Variants in DGUOK observed in about 807,000 individuals in gnomAD.
The protein encoded by DGUOK is deoxyguanosine kinase, mitochondrial.
DGUOK carries 30 observed loss-of-function variants against 36.6 expected under a neutral mutation model. The ratio of observed to expected loss-of-function variants is 0.82; its 90% CI spans 0.61 to 1.11. The LOEUF (loss-of-function observed/expected upper bound fraction) is 1.11, where lower values mean the gene tolerates loss of function less well. Among genes scored for constraint, DGUOK ranks in the 50% most tolerant of loss-of-function variants. The pLI is 0.00. For synonymous variants in DGUOK, 145 were observed against 126.3 expected (o/e 1.15, Z -0.99); for missense variants, 361 against 336.4 (o/e 1.07, Z -0.57).
In DGUOK at chr2:73,938,980, T is replaced by G; in HGVS notation, c.213T>G (p.Pro71=). 2 of 1,614,088 alleles carry G rather than the reference T, an allele frequency of 1.2e-6. No homozygotes were observed. The highest frequency in any genetic ancestry group is 2.2e-5 in the South Asian group (2 of 91,084). The change falls in exon 2 of 7, where the codon CCT becomes CCG. Residue 71 remains proline (P), a synonymous_variant. Transcript: ENST00000264093. ...TYPEWHVATE[P]VATWQNIQAA... Reference sequence around the variant, plus strand: ...CAGAATGGCACGTAGCTACAGAACCTGTAGCAACATGGCAGAATATCCAGG... The same window carrying G: ...CAGAATGGCACGTAGCTACAGAACCGGTAGCAACATGGCAGAATATCCAGG...
Position 73,946,890 on chromosome 2 carries a change from T to TCA in DGUOK, c.428_429insAC (p.Val144LeufsTer58). On this transcript the variant is annotated frameshift_variant, in exon 3 of 7. Transcript: ENST00000264093. LOFTEE classifies it high-confidence loss of function. ...GAAGCCAGTACAGATCTTTGAGAGG[T>TCA]CTGTGTACAGTGACAGGTAAAATGC... The TCA allele has an allele frequency of 6.2e-7, 1 of 1,612,526 alleles. No individual in the cohort carries two copies. Among genetic ancestry groups the TCA allele is most frequent in the East Asian group, 2.2e-5 (1 of 44,876 alleles).
chr2:73,958,396 A>T (rs370883181), intron 6 of DGUOK, 151 bp downstream of exon 6: 3 of 714,562 alleles, frequency 4.2e-6, no homozygotes, highest in African/African-American at 1.8e-5. Flanking sequence ...TCTTGTGCAG[A>T]TTACAAATAT....
chr2:73,937,257 A>T (rs952152955), intron 1 of DGUOK, among the ~76,000 whole-genome samples: 1 of 152,236 alleles, frequency 6.6e-6, no homozygotes, highest in Non-Finnish European at 1.5e-5. Flanking sequence ...ACAAGGCCCT[A>T]TGTGATCTGG....
chr2:73,950,737 C>T lies in DGUOK; in HGVS notation c.591+5C>T, dbSNP rs772435614. 2 of 1,614,210 alleles carry T rather than the reference C, an allele frequency of 1.2e-6. No homozygotes were observed. The highest frequency in any genetic ancestry group is 2.2e-5 in the South Asian group (2 of 91,084). ...TACCTCCAGGCTTCTCCCCAGGTAACACTGAACCTACAACCTTAGACTTTA... is the reference window on the plus strand; with the variant it reads ...TACCTCCAGGCTTCTCCCCAGGTAATACTGAACCTACAACCTTAGACTTTA... On this transcript the variant is annotated splice_donor_5th_base_variant and intron_variant, in intron 4 of 6. Transcript: ENST00000264093.
intron 2 of DGUOK, among the ~76,000 whole-genome samples, chr2:73,943,399 C>T (rs1682048941): frequency 6.6e-6 from 1 of 151,002 alleles, no homozygotes; most frequent in Admixed American, 6.6e-5. Context: ...TGGGCTCAAG[C>T]GACCCTTCCA....
rs772174181 is a variant in DGUOK, at chr2:73,957,194, C to T, written c.661C>T (p.Gln221Ter). ...EKGIELAYLEQLHGQHEAWLI... is the reference protein window; with the variant it reads ...EKGIELAYLE ...AGGAATTGAGCTGGCCTATCTAGAG[C>T]AGCTGCATGGCCAACACGAAGCCTG... Residue 221 changes from glutamine to a stop codon, truncating the protein, a stop_gained, in exon 5 of 7, where the codon CAG becomes TAG. Coordinates refer to ENST00000264093, the MANE Select transcript of DGUOK (RefSeq NM_080916.3). LOFTEE classifies it high-confidence loss of function. 3 of 1,614,142 alleles carry T rather than the reference C, an allele frequency of 1.9e-6. No homozygotes were observed. Among genetic ancestry groups the T allele is most frequent in the Non-Finnish European group, 2.5e-6 (3 of 1,180,010 alleles).
At chr2:73,928,337 A>G (rs1172727089) in intron 1 of DGUOK, among the ~76,000 whole-genome samples, 1 of 152,202 alleles carries the variant, frequency 6.6e-6, no homozygotes, top group East Asian at 1.9e-4. Flanking sequence ...CATGTTGGCC[A>G]GGCTGGTCTC....
Position 73,958,196 on chromosome 2 carries a change from A to G in DGUOK, c.758A>G (p.Asn253Ser), listed in dbSNP as rs200169027. Reference protein sequence around the residue: ...MNIPVLVLDVNDDFSEEVTKQ... With the variant: ...MNIPVLVLDVSDDFSEEVTKQ... Reference sequence around the variant, plus strand: ...ATTCCAGTGCTGGTGTTGGATGTCAATGATGATTTTTCTGAGGAAGTAACC... The same window carrying G: ...ATTCCAGTGCTGGTGTTGGATGTCAGTGATGATTTTTCTGAGGAAGTAACC... The change falls in exon 6 of 7, where the codon AAT becomes AGT. Residue 253 changes from asparagine (N) to serine (S), a missense_variant. By Grantham distance (46) the Asn-to-Ser change is conservative (BLOSUM62 1). Coordinates refer to ENST00000264093, the MANE Select transcript of DGUOK (RefSeq NM_080916.3). 104 of 1,613,848 alleles carry G rather than the reference A, an allele frequency of 6.4e-5. No homozygotes were observed. The highest frequency in any genetic ancestry group is 3.3e-4 in the Middle Eastern group (2 of 6,060).
At chr2:73,952,530 G>A (rs1379209104) in intron 4 of DGUOK, among the ~76,000 whole-genome samples, 2 of 152,218 alleles carry the variant, frequency 1.3e-5, no homozygotes, top group African/African-American at 2.4e-5. Flanking sequence ...TAAAGATCCT[G>A]GTTGGAATTT....
chr2:73,944,064 C>G (rs1041244346), intron 2 of DGUOK, among the ~76,000 whole-genome samples: 1 of 152,182 alleles, frequency 6.6e-6, no homozygotes, highest in African/African-American at 2.4e-5. Flanking sequence ...GCTTCTCAGC[C>G]TTTTGGCTAA....
At chr2:73,930,280 G>C (rs1236390495) in intron 1 of DGUOK, among the ~76,000 whole-genome samples, 2 of 152,130 alleles carry the variant, frequency 1.3e-5, no homozygotes, top group Non-Finnish European at 2.9e-5. Flanking sequence ...ATAAGCAAGA[G>C]AAATGTTGAA....
intron 2 of DGUOK, among the ~76,000 whole-genome samples, chr2:73,946,242 G>A (rs558034099): frequency 6.6e-6 from 1 of 152,278 alleles, no homozygotes; most frequent in South Asian, 2.1e-4. Flanking sequence ...TGATTGGTTG[G>A]ATTTTCAAAT....
intron 2 of DGUOK, among the ~76,000 whole-genome samples, chr2:73,940,495 T>C (rs912399477): frequency 4.6e-5 from 7 of 152,222 alleles, no homozygotes; most frequent in Non-Finnish European, 1.0e-4. Context: ...TCTCTTTATA[T>C]GTCTGTATGT....
chr2:73,957,079 G>A (rs1683156455), intron 4 of DGUOK, 46 bp from the exon 5 acceptor site: 2 of 1,433,738 alleles, frequency 1.4e-6, no homozygotes, highest in Middle Eastern at 2.0e-4. Flanking sequence ...CATTGTAGCA[G>A]CCAAAACAGC....
At chr2:73,939,482 GTA>G (rs1681736582) in intron 2 of DGUOK, among the ~76,000 whole-genome samples, 1 of 152,248 alleles carries the variant, frequency 6.6e-6, no homozygotes, top group Non-Finnish European at 1.5e-5. Context: ...TTATGAGCAT[GTA>G]CTATGTGCCA....
rs758503693 is a variant in DGUOK, at chr2:73,958,700, C to G, written c.808-10C>G. ...GTGAAATTAAACTTCTGATTTTCTC[C>G]TTCCCACAGGTAAACACCTTTGTAA... On this transcript the variant is annotated splice_polypyrimidine_tract_variant and intron_variant, in intron 6 of 6. Coordinates refer to ENST00000264093, the MANE Select transcript of DGUOK (RefSeq NM_080916.3). The G allele has an allele frequency of 4.3e-5, 69 of 1,609,576 alleles. No individual in the cohort carries two copies. Among genetic ancestry groups the G allele is most frequent in the Non-Finnish European group, 5.4e-5 (63 of 1,175,952 alleles).
chr2:73,952,230 G>A (rs1682755058), intron 4 of DGUOK, among the ~76,000 whole-genome samples: 2 of 152,204 alleles, frequency 1.3e-5, no homozygotes, highest in African/African-American at 2.4e-5. Context: ...ATCTTCCATG[G>A]AAAGAACCAC....
At chr2:73,945,102 A>G (rs954123383) in intron 2 of DGUOK, among the ~76,000 whole-genome samples, 2 of 152,198 alleles carry the variant, frequency 1.3e-5, no homozygotes, top group Non-Finnish European at 2.9e-5. Flanking sequence ...TATTTTGCCA[A>G]ATTGGACTTC....
chr2:73,957,987 T>C, intron 5 of DGUOK, 159 bp from the exon 6 acceptor site: 2 of 609,702 alleles, frequency 3.3e-6, no homozygotes, highest in Non-Finnish European at 6.0e-6. Flanking sequence ...CGGCCAACTT[T>C]ATTGAATTTG....
Sources: gnomAD v4.1 joint callset for allele counts (sites outside exome capture counted in the v4.1 genomes callset) on GRCh38, gnomAD v4.1.1 for gene constraint, MANE v1.5 for transcripts, NCBI Gene and HGNC (gene_info 2026-07-23, HGNC 2026-07-21) for gene names.